The following TSPAN9 variants were observed in gnomAD, a reference collection of about 807,000 sequenced individuals.
TSPAN9 encodes tetraspanin-9.
A neutral mutation model predicts 31.0 loss-of-function variants in TSPAN9; 16 were observed. The observed-to-expected ratio is 0.52, with a 90% CI of 0.35 to 0.78. TSPAN9 has a LOEUF of 0.78. TSPAN9 is among the 30% of genes least tolerant of loss of function. The pLI is 0.01. For missense variants in TSPAN9, 272 were observed against 312.5 expected (o/e 0.87, Z 0.98); for synonymous variants, 145 against 121.6 (o/e 1.19, Z -1.27).
intron 2 of TSPAN9, among the ~76,000 whole-genome samples, chr12:3,194,715 TA>T (rs1047253539): frequency 6.6e-6 from 1 of 152,070 alleles, no homozygotes; most frequent in Non-Finnish European, 1.5e-5. Flanking sequence ...CTCAGAAACT[TA>T]AAAAAACAAA....
rs2098351095 is a variant in TSPAN9, at chr12:3,170,393, G to A, written c.-17-30784G>A. Among the ~76,000 whole-genome samples the A allele has an allele frequency of 6.6e-6, 1 of 152,224 alleles. No homozygotes were observed. The highest frequency in any genetic ancestry group is 1.5e-5 in the Non-Finnish European group (1 of 68,034). On this transcript the variant is annotated intron_variant, in intron 2 of 8. Transcript: ENST00000011898. The surrounding 1 kb of genome is among the most constrained non-coding windows in gnomAD (Gnocchi z 4.4). ...ACGGCTAGCTTGCTCCAGATAGCAT[G>A]TAGCATAGGATTCCACATGTAATAT... is the stretch of plus-strand genomic sequence containing the variant.
chr12:3,145,419 C>G (rs562446101), intron 2 of TSPAN9, among the ~76,000 whole-genome samples: 2 of 152,162 alleles, frequency 1.3e-5, no homozygotes, highest in Admixed American at 6.5e-5. Context: ...CCAGGGTCCT[C>G]CCGTCCCTAG....
chr12:3,248,519 G>C (rs538606225), intron 3 of TSPAN9, among the ~76,000 whole-genome samples: 104 of 152,232 alleles, frequency 6.8e-4, no homozygotes, highest in African/African-American at 2.4e-3. Context: ...CCAGCCTCTT[G>C]GTTTCAGCTA....
rs563407877 is a variant in TSPAN9, at chr12:3,248,718, G to T, written c.64-29703G>T. On this transcript the variant is annotated intron_variant, in intron 3 of 8. Transcript: ENST00000011898. Reference sequence around the variant, plus strand: ...TGGTTATGCCCCCTGCTCCCCAAAAGAATTTGACTTTGAGGTCACACAGTG... The same window carrying T: ...TGGTTATGCCCCCTGCTCCCCAAAATAATTTGACTTTGAGGTCACACAGTG... Among the ~76,000 whole-genome samples, 3 of 152,144 alleles carry T rather than the reference G, an allele frequency of 2.0e-5. No individual in the cohort carries two copies. In the East Asian group the frequency reaches 5.8e-4, roughly 29 times the overall value.
intron 3 of TSPAN9, among the ~76,000 whole-genome samples, chr12:3,257,642 C>G (rs976294522): frequency 3.3e-5 from 5 of 152,180 alleles, no homozygotes; most frequent in Non-Finnish European, 5.9e-5. Context: ...CTCCTGCCCC[C>G]TCTTCGCTGG....
In TSPAN9 at chr12:3,174,339, T is replaced by C. The variant is rs150116840; in HGVS notation, c.-17-26838T>C. 7.2e-3 allele frequency among the ~76,000 whole-genome samples: 1,102 copies of C among 152,304 alleles called. 14 individuals carry two copies. Among genetic ancestry groups the C allele is most frequent in the African/African-American group, 0.025 (1,044 of 41,558 alleles). On this transcript the variant is annotated intron_variant, in intron 2 of 8. Coordinates refer to ENST00000011898, the MANE Select transcript of TSPAN9 (RefSeq NM_006675.5). ...ACCTAAGCCTTCCAAAGTGCTGGGG[T>C]TACAGGCTTGAGCCACTGCATCTGG...
intron 2 of TSPAN9, among the ~76,000 whole-genome samples, chr12:3,145,593 C>G (rs2098336792): frequency 6.6e-6 from 1 of 152,176 alleles, no homozygotes; most frequent in South Asian, 2.1e-4. Flanking sequence ...ACCCTGAATT[C>G]TAATAGCACA....
rs1301685673 is a variant in TSPAN9 at position 3,143,058 on chromosome 12, G to A, written c.-17-58119G>A. Among the ~76,000 whole-genome samples the A allele has an allele frequency of 2.6e-5, 4 of 151,982 alleles. No individual in the cohort carries two copies. In the East Asian group the frequency reaches 7.7e-4, roughly 29 times the overall value. ...TCTGTCTGGCATTTTCTCATGGTTA[G>A]ACTGAGGTTCTTTGTCTTTGGAGAG... On this transcript the variant is annotated intron_variant, in intron 2 of 8. Coordinates refer to ENST00000011898, the MANE Select transcript of TSPAN9 (RefSeq NM_006675.5). The surrounding 1 kb of genome is among the most constrained non-coding windows in gnomAD (Gnocchi z 4.2).
chr12:3,278,342 GTGGGGACCTGCACTGTTCC>G (rs772057977), intron 3 of TSPAN9, 60 bp from the exon 4 acceptor site: 3 of 1,551,108 alleles, frequency 1.9e-6, no homozygotes, highest in Non-Finnish European at 2.6e-6. Context: ...AGAGCATGGG[GTGGGGACCTGCACTGTTCC>G]CAGGTCCATG....
intron 3 of TSPAN9, chr12:3,272,784 G>C (rs1055563910): frequency 6.6e-5 from 10 of 152,268 alleles, no homozygotes; most frequent in African/African-American, 2.2e-4. Flanking sequence ...AAGCCCGAAG[G>C]GGGAATTGTG....
At chr12:3,218,087 A>G (rs2098382295) in intron 3 of TSPAN9, among the ~76,000 whole-genome samples, 1 of 152,160 alleles carries the variant, frequency 6.6e-6, no homozygotes, top group Admixed American at 6.5e-5. Context: ...GCTCCTTGGC[A>G]GGACAATATG....
At chr12:3,162,165 A>T (rs1208405735) in intron 2 of TSPAN9, among the ~76,000 whole-genome samples, 1 of 151,978 alleles carries the variant, frequency 6.6e-6, no homozygotes, top group Non-Finnish European at 1.5e-5. Flanking sequence ...ACCTCCCCCC[A>T]CTGTCTTGCT....
chr12:3,247,068 C>T (rs645722), intron 3 of TSPAN9, among the ~76,000 whole-genome samples: 129,145 of 152,062 alleles, frequency 0.85, 56,874 homozygotes, highest in Non-Finnish European at 0.98. Flanking sequence ...AGAGGAGCAA[C>T]GTACTGTGCA....
chr12:3,199,070 G>A (rs1432730368), intron 2 of TSPAN9, among the ~76,000 whole-genome samples: 1 of 152,196 alleles, frequency 6.6e-6, no homozygotes, highest in Non-Finnish European at 1.5e-5. Context: ...TGAAGGGCAG[G>A]GAGCCCCACT....
intron 2 of TSPAN9, among the ~76,000 whole-genome samples, chr12:3,197,225 G>A (rs1424667359): frequency 6.6e-6 from 1 of 152,218 alleles, no homozygotes; most frequent in East Asian, 1.9e-4. Context: ...TTGACTCTTG[G>A]TCCAGCTGGT....
chr12:3,146,912 T>C (rs565328540), intron 2 of TSPAN9, among the ~76,000 whole-genome samples: 1 of 152,228 alleles, frequency 6.6e-6, no homozygotes, highest in Non-Finnish European at 1.5e-5. Context: ...TGCATTCAGA[T>C]TGTGACACTT....
Position 3,103,421 on chromosome 12 carries a change from C to A in TSPAN9, c.-18+19702C>A, listed in dbSNP as rs537788996. On this transcript the variant is annotated intron_variant, in intron 2 of 8. Coordinates refer to ENST00000011898, the MANE Select transcript of TSPAN9 (RefSeq NM_006675.5). ...TGCTCACTTATGCTTTAGCTGAACA[C>A]TCATTGAACACTTCTGGTGTGCAGG... is the stretch of plus-strand genomic sequence containing the variant. Among the ~76,000 whole-genome samples the A allele has an allele frequency of 1.1e-4, 16 of 147,226 alleles. No homozygotes were observed. The East Asian group carries it at 2.9e-3, about 27-fold the overall frequency.
chr12:3,125,039 G>A (rs1705066148), intron 2 of TSPAN9: 1 of 151,964 alleles, frequency 6.6e-6, no homozygotes, highest in South Asian at 2.1e-4. Flanking sequence ...CTTTAGCCTG[G>A]GTGACAGAGT....
At chr12:3,106,881 C>G (rs1318290964) in intron 2 of TSPAN9, among the ~76,000 whole-genome samples, 1 of 152,186 alleles carries the variant, frequency 6.6e-6, no homozygotes, top group Non-Finnish European at 1.5e-5. Context: ...CTGTCTTCAC[C>G]GACCTTGAAT....
Sources: gnomAD v4.1 joint callset for allele counts (sites outside exome capture counted in the v4.1 genomes callset) on GRCh38, gnomAD v4.1.1 for gene constraint, Gnocchi (gnomAD v3.1) non-coding constraint, MANE v1.5 for transcripts, NCBI Gene and HGNC (gene_info 2026-07-23, HGNC 2026-07-21) for gene names.